C8A: variants seen among roughly 807,000 people sequenced by gnomAD.
The protein encoded by C8A is complement C8 alpha chain.
In C8A, 67 loss-of-function variants were observed where a neutral mutation model predicts 65.3. That is an observed-to-expected ratio of 1.03 (90% CI 0.84 to 1.26). The LOEUF (loss-of-function observed/expected upper bound fraction) is 1.26. C8A is among the 50% of genes most tolerant of loss of function. The pLI, the probability that C8A is intolerant of heterozygous loss-of-function variation, is 0.00. For synonymous variants in C8A, 290 were observed against 259.4 expected (o/e 1.12, Z -1.13); for missense variants, 781 against 723.9 (o/e 1.08, Z -0.90).
Position 56,906,682 on chromosome 1 carries a change from A to C in C8A, c.1112A>C (p.Asp371Ala). 1 of 1,614,100 alleles carries C rather than the reference A, an allele frequency of 6.2e-7. No homozygotes were observed. The highest frequency in any genetic ancestry group is 8.5e-7 in the Non-Finnish European group (1 of 1,179,966). Residue 371 changes from aspartate (D) to alanine (A), a missense_variant, in exon 8 of 11, where the codon GAT (aspartate) becomes GCT (alanine). Physicochemically the swap from Asp to Ala is moderately radical, Grantham distance 126. Coordinates refer to ENST00000361249, the MANE Select transcript of C8A (RefSeq NM_000562.3). ...KMESLGITSRDITTCFGGSLG... is the reference protein window; with the variant it reads ...KMESLGITSRAITTCFGGSLG... ...CCTGTTGCAGGTATTACCAGCAGAG[A>C]TATCACGACATGTTTTGGAGGCTCC...
chr1:56,883,805 T>C, intron 6 of C8A, 124 bp downstream of exon 6: 1 of 819,232 alleles, frequency 1.2e-6, no homozygotes, highest in Non-Finnish European at 2.0e-6. Context: ...ATTGGAAATG[T>C]CTGATCAGTG....
intron 7 of C8A, among the ~76,000 whole-genome samples, chr1:56,889,563 T>TC (rs1208826016): frequency 6.6e-6 from 1 of 152,138 alleles, no homozygotes; most frequent in Non-Finnish European, 1.5e-5. Context: ...ACTGTCTTTT[T>TC]CTCTCTCTAT....
intron 6 of C8A, among the ~76,000 whole-genome samples, chr1:56,885,045 G>C (rs1013739668): frequency 4.9e-5 from 7 of 144,028 alleles, no homozygotes; most frequent in Admixed American, 4.8e-4. Context: ...AGAAGTGTGG[G>C]GGTGGGAATA....
intron 1 of C8A, among the ~76,000 whole-genome samples, chr1:56,864,399 T>C (rs893029129): frequency 1.3e-5 from 2 of 152,014 alleles, no homozygotes; most frequent in African/African-American, 2.4e-5. Context: ...GGGGGTCTTA[T>C]TGAAAGGGAG....
intron 7 of C8A, among the ~76,000 whole-genome samples, chr1:56,897,667 T>A (rs534603903): frequency 2.0e-5 from 3 of 152,320 alleles, no homozygotes; most frequent in Non-Finnish European, 1.5e-5. Flanking sequence ...CCATCACATT[T>A]ATATATCATG....
chr1:56,898,911 G>T (rs1287663145), intron 7 of C8A, among the ~76,000 whole-genome samples: 3 of 152,126 alleles, frequency 2.0e-5, no homozygotes, highest in Non-Finnish European at 4.4e-5. Flanking sequence ...AGGTGGGCAG[G>T]AATCTTATTG....
chr1:56,860,645 G>C (rs1644024855), intron 1 of C8A, among the ~76,000 whole-genome samples: 1 of 152,144 alleles, frequency 6.6e-6, no homozygotes, highest in Non-Finnish European at 1.5e-5. Flanking sequence ...CATTAAGTTT[G>C]CCATGTCTAA....
chr1:56,869,778 T>C (rs777987651), intron 2 of C8A, among the ~76,000 whole-genome samples: 6 of 152,224 alleles, frequency 3.9e-5, no homozygotes, highest in Non-Finnish European at 8.8e-5. Flanking sequence ...AATAATTATC[T>C]GTGCTTTCCT....
intron 6 of C8A, among the ~76,000 whole-genome samples, chr1:56,884,572 T>A (rs1176235767): frequency 6.6e-6 from 1 of 152,194 alleles, no homozygotes; most frequent in African/African-American, 2.4e-5. Flanking sequence ...GCTATTGAGC[T>A]GAAGGTAAAG....
rs114135442 is a variant in C8A at position 56,898,480 on chromosome 1, A to G, written c.1097-8187A>G. ...CATACTCTTTCTCCTTGATTTGCAT[A>G]TGCTATTTCTTCTACCTGGAATTTT... is the stretch of plus-strand genomic sequence containing the variant. On this transcript the variant is annotated intron_variant, in intron 7 of 10. Coordinates refer to ENST00000361249, the MANE Select transcript of C8A (RefSeq NM_000562.3). Among the ~76,000 whole-genome samples, 941 of 152,140 alleles carry G rather than the reference A, an allele frequency of 6.2e-3. 9 individuals carry two copies. Among genetic ancestry groups the G allele is most frequent in the African/African-American group, 0.022 (909 of 41,504 alleles).
intron 7 of C8A, among the ~76,000 whole-genome samples, chr1:56,886,755 A>G (rs1239529084): frequency 1.3e-5 from 2 of 152,034 alleles, no homozygotes; most frequent in Admixed American, 6.6e-5. Flanking sequence ...GGATCTTTCT[A>G]CTTCACAGAT....
At chr1:56,911,040 T>C (rs985282695) in intron 9 of C8A, among the ~76,000 whole-genome samples, 11 of 149,938 alleles carry the variant, frequency 7.3e-5, no homozygotes, top group African/African-American at 2.7e-4. Flanking sequence ...GATAACCACA[T>C]ATGCATGCAA....
intron 1 of C8A, among the ~76,000 whole-genome samples, chr1:56,855,722 T>A (rs964603996): frequency 5.9e-5 from 9 of 152,014 alleles, no homozygotes; most frequent in Middle Eastern, 6.8e-3. Flanking sequence ...TTTAAAGCAA[T>A]CCCTGTCTCC....
chr1:56,885,938 C>T lies in C8A; in HGVS notation c.867C>T (p.Phe289=), dbSNP rs77289345. Residue 289 remains phenylalanine, a synonymous_variant, in exon 7 of 11, where the codon TTC becomes TTT. Coordinates refer to ENST00000361249, the MANE Select transcript of C8A (RefSeq NM_000562.3). ...LNKYNEKKFI[F]TRIFTKVQTA... is the part of the protein sequence containing the mutation. ...GCGGTTGCTGGCAGAAATTCATTTTCACAAGAATCTTCACAAAGGTGCAGA... is the reference window on the plus strand; with the variant it reads ...GCGGTTGCTGGCAGAAATTCATTTTTACAAGAATCTTCACAAAGGTGCAGA... The T allele has an allele frequency of 9.2e-4, 1,487 of 1,613,172 alleles. 19 individuals carry two copies. The African/African-American group carries it at 0.017, about 19-fold the overall frequency.
chr1:56,875,806 G>A (rs992755566), intron 3 of C8A, among the ~76,000 whole-genome samples: 4 of 152,076 alleles, frequency 2.6e-5, no homozygotes, highest in African/African-American at 9.7e-5. Flanking sequence ...GATTACATGG[G>A]CAGACTGGCA....
At chr1:56,885,614 C>T (rs1311396980) in intron 6 of C8A, among the ~76,000 whole-genome samples, 9 of 145,778 alleles carry the variant, frequency 6.2e-5, no homozygotes, top group South Asian at 2.1e-4. Context: ...CAGGCTGGAG[C>T]GATCTCGGCT....
At chr1:56,862,717 C>A (rs188464767) in intron 1 of C8A, among the ~76,000 whole-genome samples, 1 of 152,206 alleles carries the variant, frequency 6.6e-6, no homozygotes, top group African/African-American at 2.4e-5. Context: ...AGATTAGAAG[C>A]AAAGACTCCT....
At chr1:56,871,407 T>C (rs1399898408) in intron 2 of C8A, among the ~76,000 whole-genome samples, 1 of 152,232 alleles carries the variant, frequency 6.6e-6, no homozygotes, top group East Asian at 1.9e-4. Context: ...CCTTTTGAAG[T>C]AGTCCAACAG....
chr1:56,917,469 A>G, intron 10 of C8A, 96 bp from the exon 11 acceptor site: 1 of 1,325,074 alleles, frequency 7.5e-7, no homozygotes, highest in East Asian at 2.3e-5. Context: ...TTCCTCTCCC[A>G]AGGGTGCCAC....
Sources: gnomAD v4.1 joint callset for allele counts (sites outside exome capture counted in the v4.1 genomes callset) on GRCh38, gnomAD v4.1.1 for gene constraint, MANE v1.5 for transcripts, NCBI Gene and HGNC (gene_info 2026-07-23, HGNC 2026-07-21) for gene names.